Variants in CYP26B1 observed in about 807,000 individuals in gnomAD.
The protein encoded by CYP26B1 is cytochrome P450 family 26 subfamily B member 1, also known as cytochrome P450 26B1.
In CYP26B1, 8 loss-of-function variants were observed where a neutral mutation model predicts 39.1. That is an observed-to-expected ratio of 0.20 (90% CI 0.12 to 0.37). The LOEUF (loss-of-function observed/expected upper bound fraction) is 0.37, where lower values mean the gene tolerates loss of function less well. Ranked by LOEUF, CYP26B1 falls within the 10% of genes least tolerant of loss-of-function variation. The probability of loss-of-function intolerance (pLI) is 1.00; values close to 1 mark genes in which losing one functional copy is unlikely to be tolerated. For synonymous variants in CYP26B1, 321 were observed against 314.3 expected (o/e 1.02, Z -0.23); for missense variants, 615 against 707.0 (o/e 0.87, Z 1.48).
rs1676684382 is a variant in CYP26B1, at chr2:72,134,177, G to A, written c.861+584C>T. On this transcript the variant is annotated intron_variant, in intron 4 of 5. Coordinates refer to ENST00000001146, the MANE Select transcript of CYP26B1 (RefSeq NM_019885.4). The stretch of plus-strand genomic sequence containing the variant: ...AGGGGAGGCTGCAGTGAGTGTCCAT[G>A]GGCACCCAGCAGTGGAGCAGGCCTG... Among the ~76,000 whole-genome samples the A allele has an allele frequency of 2.6e-5, 4 of 152,322 alleles. No individual in the cohort carries two copies. In the South Asian group the frequency reaches 8.3e-4, roughly 32 times the overall value.
chr2:72,143,861 G>A (rs1677032175), intron 2 of CYP26B1, 128 bp downstream of exon 2: 1 of 1,149,564 alleles, frequency 8.7e-7, no homozygotes, highest in Non-Finnish European at 1.3e-6. Context: ...GCGGGGAACT[G>A]CGGAGTCTTC....
Position 72,133,287 on chromosome 2 carries a change from G to C in CYP26B1, c.882C>G (p.Ile294Met). 6.2e-7 allele frequency: 1 copy of C among 1,607,792 alleles called. No homozygotes were observed. Among genetic ancestry groups the C allele is most frequent in the South Asian group, 1.1e-5 (1 of 90,712 alleles). Reference protein sequence around the residue: ...QELKDGTLELIFAAYATTASA... With the variant: ...QELKDGTLELMFAAYATTASA... Reference sequence around the variant, plus strand: ...TGGCCGTGGTGGCATAGGCCGCAAAGATCAGCTCCAGGGTCCCGTCCTGCA... The same window carrying C: ...TGGCCGTGGTGGCATAGGCCGCAAACATCAGCTCCAGGGTCCCGTCCTGCA... The change falls in exon 5 of 6, where the codon ATC becomes ATG. Residue 294 changes from isoleucine (I) to methionine (M), a missense_variant. Transcript: ENST00000001146.
Position 72,145,855 on chromosome 2 carries a change from A to G in CYP26B1, c.205-1642T>C, listed in dbSNP as rs1677109575. Among the ~76,000 whole-genome samples, 5 of 152,142 alleles carry G rather than the reference A, an allele frequency of 3.3e-5. No individual in the cohort carries two copies. In the South Asian group the frequency reaches 1.0e-3, roughly 32 times the overall value. On this transcript the variant is annotated intron_variant, in intron 1 of 5. Coordinates refer to ENST00000001146, the MANE Select transcript of CYP26B1 (RefSeq NM_019885.4). ...GGGCCGCGAGTCCAATTTATACAAA[A>G]ATGTTGTATTTTTAGCCCTGGGCTC...
rs148718865 is a variant in CYP26B1, at chr2:72,140,800, T to C, written c.429+3189A>G. 3.3e-5 allele frequency among the ~76,000 whole-genome samples: 5 copies of C among 152,316 alleles called. No homozygotes were observed. In the East Asian group the frequency reaches 9.7e-4, roughly 29 times the overall value. Reference sequence around the variant, plus strand: ...TACCTCCAAAGCCTAGTCCCCCACCTTGGCTTCAGGCCCAGAAGGTCCTGT... The same window carrying C: ...TACCTCCAAAGCCTAGTCCCCCACCCTGGCTTCAGGCCCAGAAGGTCCTGT... On this transcript the variant is annotated intron_variant, in intron 2 of 5. Coordinates refer to ENST00000001146, the MANE Select transcript of CYP26B1 (RefSeq NM_019885.4).
Position 72,133,119 on chromosome 2 carries a change from C to T in CYP26B1, c.1050G>A (p.Gly350=). 6.2e-7 allele frequency: 1 copy of T among 1,613,128 alleles called. No homozygotes were observed. Among genetic ancestry groups the T allele is most frequent in the Non-Finnish European group, 8.5e-7 (1 of 1,179,984 alleles). ...TGATGACGCAGTCCAGGTAGCGCAGCCCACTGAGCGTGTCCAGGCGCAGTG... is the reference window on the plus strand; with the variant it reads ...TGATGACGCAGTCCAGGTAGCGCAGTCCACTGAGCGTGTCCAGGCGCAGTG... ...EGTLRLDTLS[G]LRYLDCVIKE... is the part of the protein sequence containing the mutation. Residue 350 remains glycine (G), a synonymous_variant, in exon 5 of 6, where the codon GGG becomes GGA. Coordinates refer to ENST00000001146, the MANE Select transcript of CYP26B1 (RefSeq NM_019885.4).
chr2:72,136,506 C>T (rs937055084), intron 2 of CYP26B1, among the ~76,000 whole-genome samples: 1 of 152,246 alleles, frequency 6.6e-6, no homozygotes, highest in African/African-American at 2.4e-5. Flanking sequence ...CCCAGCCAGG[C>T]ATTCACAATA....
In CYP26B1 at chr2:72,131,301, C is replaced by A; in HGVS notation, c.*926G>T. 1 of 152,372 alleles carries A rather than the reference C, an allele frequency of 6.6e-6. No homozygotes were observed. The allele number at this position is 152,372 out of a possible 1,614,324, so 9.4% of individuals were successfully genotyped here. ...AAATAATGCCCGGAGCCGGGGAAGG[C>A]TTTCAACCCTAGGCCCTGGGGGCTG... On this transcript the variant is annotated 3_prime_UTR_variant, in exon 6 of 6. Transcript: ENST00000001146.
intron 1 of CYP26B1, among the ~76,000 whole-genome samples, chr2:72,146,085 T>C: frequency 6.6e-6 from 1 of 152,212 alleles, no homozygotes; most frequent in South Asian, 2.1e-4. Context: ...GGTTTCCTCC[T>C]CCCTAACTTC....
chr2:72,139,175 A>T (rs570805301), intron 2 of CYP26B1, among the ~76,000 whole-genome samples: 1 of 152,060 alleles, frequency 6.6e-6, no homozygotes, highest in African/African-American at 2.4e-5. Flanking sequence ...GAGGAATGGA[A>T]GCGGCTGCCC....
Position 72,135,242 on chromosome 2 carries a change from G to T in CYP26B1, c.607C>A (p.Pro203Thr), listed in dbSNP as rs142987158. 1 of 1,613,948 alleles carries T rather than the reference G, an allele frequency of 6.2e-7. No homozygotes were observed. Among genetic ancestry groups the T allele is most frequent in the African/African-American group, 1.3e-5 (1 of 74,934 alleles). Residue 203 changes from proline (P) to threonine (T), a missense_variant, in exon 3 of 6, where the codon CCT (proline) becomes ACT (threonine). By Grantham distance (38) the Pro-to-Thr change is conservative. Coordinates refer to ENST00000001146, the MANE Select transcript of CYP26B1 (RefSeq NM_019885.4). ...AIRVLLGFSI[P>T]EEDLGHLFEV... ...AAGAGGTGCCCAAGGTCCTCCTCAGGGATGCTGAAGCCCAGCAGCACCCGG... is the reference window on the plus strand; with the variant it reads ...AAGAGGTGCCCAAGGTCCTCCTCAGTGATGCTGAAGCCCAGCAGCACCCGG...
At chr2:72,134,629 C>A in intron 4 of CYP26B1, 132 bp downstream of exon 4, 1 of 1,408,294 alleles carries the variant, frequency 7.1e-7, no homozygotes, top group East Asian at 2.5e-5. Flanking sequence ...AGGTCTCCAG[C>A]CACTGCTCAG....
rs1262802095 is a variant in CYP26B1 at position 72,147,500 on chromosome 2, G to T, written c.204+131C>A. ...GGGAAGCCCGGGCTGCTGCGGCAGA[G>T]AGGAGGGAAGGGGCGGGGCGGGGAC... On this transcript the variant is annotated intron_variant, in intron 1 of 5. Transcript: ENST00000001146. The surrounding 1 kb of genome is among the most constrained non-coding windows in gnomAD (Gnocchi z 6.1). 2 of 936,818 alleles carry T rather than the reference G, an allele frequency of 2.1e-6. No homozygotes were observed. The highest frequency in any genetic ancestry group is 1.8e-5 in the African/African-American group (1 of 56,820). 58.0% of individuals were successfully genotyped at this position (936,818 alleles called of 1,614,324 possible). A position where few individuals can be genotyped will look rare whatever the true frequency, so the allele number is the denominator to read the frequency against.
chr2:72,147,628 T>C lies in CYP26B1; in HGVS notation c.204+3A>G, dbSNP rs777599787. ...GAGTGCAGCGGAGCGAGCGCGCCCTTACCTGCAGCAGCCAGTGGCCGGTCT... is the reference window on the plus strand; with the variant it reads ...GAGTGCAGCGGAGCGAGCGCGCCCTCACCTGCAGCAGCCAGTGGCCGGTCT... On this transcript the variant is annotated splice_donor_region_variant and intron_variant, in intron 1 of 5. Coordinates refer to ENST00000001146, the MANE Select transcript of CYP26B1 (RefSeq NM_019885.4). This position sits in a 1 kb window ranked among gnomAD's most constrained non-coding sequence, Gnocchi z 6.1. 27 of 1,608,000 alleles carry C rather than the reference T, an allele frequency of 1.7e-5. No individual in the cohort carries two copies. The East Asian group carries it at 5.8e-4, about 35-fold the overall frequency.
chr2:72,142,383 G>A (rs1029599084), intron 2 of CYP26B1, among the ~76,000 whole-genome samples: 2 of 152,208 alleles, frequency 1.3e-5, no homozygotes, highest in African/African-American at 4.8e-5. Context: ...CAGGCATGCA[G>A]GACAGAAGAG....
chr2:72,132,040 G>A lies in CYP26B1; in HGVS notation c.*187C>T. 2 of 657,848 alleles carry A rather than the reference G, an allele frequency of 3.0e-6. No individual in the cohort carries two copies. Among genetic ancestry groups the A allele is most frequent in the Non-Finnish European group, 5.1e-6 (2 of 388,888 alleles). The allele number at this position is 657,848 out of a possible 1,614,324, so 40.8% of individuals were successfully genotyped here. A position where few individuals can be genotyped will look rare whatever the true frequency, so the allele number is the denominator to read the frequency against. On this transcript the variant is annotated 3_prime_UTR_variant, in exon 6 of 6. Transcript: ENST00000001146. ...GGCTGGAGGGAAGCTGGAGCCAGAA[G>A]GGGAGCCCAGCCCTAGGAATGGGGC...
chr2:72,144,298 T>C, intron 1 of CYP26B1, 85 bp from the exon 2 acceptor site: 1 of 1,535,636 alleles, frequency 6.5e-7, no homozygotes, highest in Non-Finnish European at 8.8e-7. Context: ...CAACCCGGGG[T>C]ACAGTCACCT....
chr2:72,142,263 A>G (rs1178854307), intron 2 of CYP26B1, among the ~76,000 whole-genome samples: 1 of 152,180 alleles, frequency 6.6e-6, no homozygotes, highest in Non-Finnish European at 1.5e-5. Flanking sequence ...TGGAACCCCA[A>G]GACAACGCCC....
At chr2:72,134,967 G>A (rs762234683) in intron 3 of CYP26B1, 51 bp from the exon 4 acceptor site, 1 of 1,608,906 alleles carries the variant, frequency 6.2e-7, no homozygotes, top group East Asian at 2.2e-5. Context: ...TCCCATCTGA[G>A]CCTCGGGACC....
rs1176102178 is a variant in CYP26B1, at chr2:72,147,655, T to A, written c.180A>T (p.Gly60=). The A allele has an allele frequency of 1.9e-6, 3 of 1,609,758 alleles. No individual in the cohort carries two copies. The East Asian group carries it at 6.7e-5, about 36-fold the overall frequency. ...CCTGCAGCAGCCAGTGGCCGGTCTC[T>A]CCGATGAGCGGGAAGCCCATGGATC... The part of the protein sequence containing the change: ...PKGSMGFPLI[G]ETGHWLLQGS... The change falls in exon 1 of 6, where the codon GGA becomes GGT. Residue 60 remains glycine (G), a synonymous_variant. Transcript: ENST00000001146. This position sits in a 1 kb window ranked among gnomAD's most constrained non-coding sequence, Gnocchi z 6.1.
Sources: gnomAD v4.1 joint callset for allele counts (sites outside exome capture counted in the v4.1 genomes callset) on GRCh38, gnomAD v4.1.1 for gene constraint, Gnocchi (gnomAD v3.1) non-coding constraint, MANE v1.5 for transcripts, NCBI Gene and HGNC (gene_info 2026-07-23, HGNC 2026-07-21) for gene names.